SDK1: variants seen among roughly 807,000 people sequenced by gnomAD.
The protein encoded by SDK1 is protein sidekick-1.
SDK1 carries 157 observed loss-of-function variants against 245.5 expected under a neutral mutation model. That is an observed-to-expected ratio of 0.64 (90% CI 0.56 to 0.73). The LOEUF (loss-of-function observed/expected upper bound fraction) is 0.73, where lower values mean the gene tolerates loss of function less well. SDK1 is among the 30% of genes least tolerant of loss of function. SDK1 has a pLI of 0.00. For missense variants in SDK1, 3,583 were observed against 3,002.3 expected, an observed-to-expected ratio of 1.19 and a Z score of -4.52; for synonymous variants, 1,647 against 1,278.5, an observed-to-expected ratio of 1.29 and a Z score of -6.15.
At chr7:3,709,810 C>T (rs889231417) in intron 4 of SDK1, among the ~76,000 whole-genome samples, 1 of 152,176 alleles carries the variant, frequency 6.6e-6, no homozygotes, top group African/African-American at 2.4e-5. Context: ...TCAAAGGGAA[C>T]TTGGCCCACC....
chr7:4,108,967 A>G (rs1469226458), intron 22 of SDK1, among the ~76,000 whole-genome samples: 1 of 152,180 alleles, frequency 6.6e-6, no homozygotes, highest in Non-Finnish European at 1.5e-5. Flanking sequence ...TCCATCAGTC[A>G]TGTTTTGAGA....
intron 44 of SDK1, among the ~76,000 whole-genome samples, chr7:4,263,434 C>CTGAGTGGGGAGGCCGCGTAGACCTCTCT (rs1788184447): frequency 6.7e-6 from 1 of 150,202 alleles, no homozygotes; most frequent in Non-Finnish European, 1.5e-5. Flanking sequence ...TAGACCTCTC[C>CTGAGTGGGGAGGCCGCGTAGACCTCTCT]TGAGTGGGGA....
chr7:4,148,814 T>C (rs1780157955), intron 29 of SDK1, among the ~76,000 whole-genome samples: 1 of 152,176 alleles, frequency 6.6e-6, no homozygotes, highest in Non-Finnish European at 1.5e-5. Flanking sequence ...TCCCAGCTCT[T>C]TGGGAGGCCG....
chr7:3,460,724 A>G (rs1247872533), intron 1 of SDK1, among the ~76,000 whole-genome samples: 2 of 152,162 alleles, frequency 1.3e-5, no homozygotes, highest in Non-Finnish European at 2.9e-5. Flanking sequence ...ATTGGGAATG[A>G]ATCAGTTAAA....
chr7:3,471,013 G>C (rs1199192062), intron 1 of SDK1, among the ~76,000 whole-genome samples: 1 of 152,102 alleles, frequency 6.6e-6, no homozygotes, highest in African/African-American at 2.4e-5. Context: ...CCCCAAATTA[G>C]TTTCTGAGTT....
At chr7:4,212,175 G>C in intron 38 of SDK1, among the ~76,000 whole-genome samples, 1 of 152,226 alleles carries the variant, frequency 6.6e-6, no homozygotes, top group South Asian at 2.1e-4. Context: ...TCCATTTAAA[G>C]CCGTGATAAA....
At chr7:3,672,781 A>G (rs1583293689) in intron 4 of SDK1, among the ~76,000 whole-genome samples, 2 of 102,320 alleles carry the variant, frequency 2.0e-5, no homozygotes, top group African/African-American at 3.6e-5. Context: ...ATATATATAT[A>G]TATATATATA....
At chr7:3,755,406 A>G (rs1344419183) in intron 4 of SDK1, among the ~76,000 whole-genome samples, 1 of 152,150 alleles carries the variant, frequency 6.6e-6, no homozygotes, top group East Asian at 1.9e-4. Context: ...GGGAGTTGAC[A>G]TACACGGTCT....
Position 3,608,150 on chromosome 7 carries a change from C to G in SDK1, c.299-10930C>G, listed in dbSNP as rs991277815. On this transcript the variant is annotated intron_variant, in intron 1 of 44. Coordinates refer to ENST00000404826, the MANE Select transcript of SDK1 (RefSeq NM_152744.4). ...CACACCTATGAGTAAAAACCAAAAT[C>G]TAGCTCTCTCAAAAATAGCCTTAAA... Among the ~76,000 whole-genome samples, 11 of 152,330 alleles carry G rather than the reference C, an allele frequency of 7.2e-5. No homozygotes were observed. In the South Asian group the frequency reaches 8.3e-4, roughly 11 times the overall value.
intron 4 of SDK1, among the ~76,000 whole-genome samples, chr7:3,774,416 C>T (rs974140891): frequency 5.9e-5 from 9 of 152,112 alleles, no homozygotes; most frequent in African/African-American, 2.2e-4. Context: ...TTTTTGCCTA[C>T]CAAGGCTCCT....
At chr7:3,685,552 A>G (rs1166070441) in intron 4 of SDK1, among the ~76,000 whole-genome samples, 1 of 152,174 alleles carries the variant, frequency 6.6e-6, no homozygotes, top group Non-Finnish European at 1.5e-5. Flanking sequence ...GGCAAATATA[A>G]TACACAATCA....
intron 4 of SDK1, among the ~76,000 whole-genome samples, chr7:3,737,369 G>T (rs972154579): frequency 6.6e-6 from 1 of 152,226 alleles, no homozygotes; most frequent in Non-Finnish European, 1.5e-5. Flanking sequence ...CCTGGGTGGT[G>T]CAGGGGGGCG....
intron 43 of SDK1, 28 bp from the exon 44 acceptor site, chr7:4,245,648 G>A (rs756040238): frequency 1.9e-6 from 3 of 1,609,834 alleles, no homozygotes; most frequent in Non-Finnish European, 2.5e-6. Context: ...TGCCCAGAGG[G>A]TAATTGCAGC....
At chr7:3,740,921 T>A (rs890892142) in intron 4 of SDK1, among the ~76,000 whole-genome samples, 4 of 152,158 alleles carry the variant, frequency 2.6e-5, no homozygotes, top group Non-Finnish European at 4.4e-5. Flanking sequence ...CATTTTGTGG[T>A]TCATAGCAAC....
chr7:3,604,107 G>A (rs986450894), intron 1 of SDK1, among the ~76,000 whole-genome samples: 2 of 152,126 alleles, frequency 1.3e-5, no homozygotes, highest in African/African-American at 2.4e-5. Flanking sequence ...GAGGATTTTT[G>A]CATCGATGTT....
chr7:4,115,877 G>A (rs1352972502), intron 25 of SDK1, among the ~76,000 whole-genome samples: 1 of 152,228 alleles, frequency 6.6e-6, no homozygotes, highest in Non-Finnish European at 1.5e-5. Context: ...AACTCAGAGT[G>A]ACTTTGATGG....
intron 14 of SDK1, among the ~76,000 whole-genome samples, chr7:3,997,104 G>A (rs1037755032): frequency 2.0e-5 from 3 of 152,224 alleles, no homozygotes; most frequent in Admixed American, 2.0e-4. Context: ...CCCTTCTTCT[G>A]ACTTCTGTCA....
intron 1 of SDK1, among the ~76,000 whole-genome samples, chr7:3,485,683 GTT>G (rs71552309): frequency 1.2e-3 from 44 of 38,166 alleles, no homozygotes; most frequent in African/African-American, 3.2e-3. Context: ...TCTTTGGAGG[GTT>G]TTTTTTTTTT....
At chr7:3,837,728 T>C (rs1780057615) in intron 5 of SDK1, among the ~76,000 whole-genome samples, 1 of 152,234 alleles carries the variant, frequency 6.6e-6, no homozygotes, top group South Asian at 2.1e-4. Flanking sequence ...AGCTATTGAA[T>C]ACTTGAAATG....
Sources: allele counts gnomAD v4.1 joint callset (sites outside exome capture counted in the v4.1 genomes callset), GRCh38; gene constraint gnomAD v4.1.1; transcripts MANE v1.5; gene names NCBI Gene and HGNC (gene_info 2026-07-23, HGNC 2026-07-21).